Variants in DDX4 observed in about 807,000 individuals in gnomAD.
DDX4 encodes the protein DEAD-box helicase 4.
Under a neutral mutation model 100.0 loss-of-function variants are expected in DDX4, and 25 were observed. The ratio of observed to expected loss-of-function variants is 0.25; its 90% CI spans 0.18 to 0.35. DDX4 has a LOEUF of 0.35. Among genes scored for constraint, DDX4 ranks in the 10% least tolerant of loss-of-function variants. The pLI, the probability that DDX4 is intolerant of heterozygous loss-of-function variation, is 1.00. For missense variants in DDX4, 635 were observed against 882.4 expected (o/e 0.72, Z 3.55); for synonymous variants, 259 against 275.7 (o/e 0.94, Z 0.60).
At chr5:55,797,609 G>A (rs1743045768) in intron 17 of DDX4, among the ~76,000 whole-genome samples, 1 of 152,172 alleles carries the variant, frequency 6.6e-6, no homozygotes. Flanking sequence ...GGACTCAGCT[G>A]GTAAATAAGG....
chr5:55,774,219 A>G (rs143032085), intron 7 of DDX4, among the ~76,000 whole-genome samples: 279 of 150,782 alleles, frequency 1.9e-3, no homozygotes, highest in African/African-American at 4.8e-3. Flanking sequence ...TGGCACAGTC[A>G]TGGTTCATGA....
intron 3 of DDX4, among the ~76,000 whole-genome samples, chr5:55,754,625 T>C (rs1759812003): frequency 6.6e-6 from 1 of 151,896 alleles, no homozygotes; most frequent in South Asian, 2.1e-4. Flanking sequence ...GATATTGGTC[T>C]AAAATTATCT....
In DDX4 at chr5:55,746,197, A is replaced by G; in HGVS notation, c.103A>G (p.Asn35Asp). The G allele has an allele frequency of 1.9e-6, 3 of 1,612,462 alleles. No homozygotes were observed. Among genetic ancestry groups the G allele is most frequent in the Non-Finnish European group, 2.5e-6 (3 of 1,179,502 alleles). Residue 35 changes from asparagine to aspartate, a missense_variant, in exon 3 of 22, where the codon AAC becomes GAC. Transcript: ENST00000505374. The stretch of plus-strand genomic sequence containing the variant: ...TTCTGGAGAAAATGGAGACAATTTT[A>G]ACAGGACTCCAGCTTCATCATCAGG... ...RYSGENGDNF[N>D]RTPASSSEMD...
At chr5:55,809,497 T>C (rs945456763) in intron 18 of DDX4, among the ~76,000 whole-genome samples, 1 of 152,186 alleles carries the variant, frequency 6.6e-6, no homozygotes, top group Non-Finnish European at 1.5e-5. Context: ...GAAACCTGAT[T>C]TATGAAAATG....
chr5:55,754,705 A>G (rs1302444332), intron 3 of DDX4, among the ~76,000 whole-genome samples: 4 of 150,270 alleles, frequency 2.7e-5, no homozygotes, highest in Admixed American at 6.7e-5. Flanking sequence ...GTTAGGGAGG[A>G]TTCCCTCTTT....
At chr5:55,763,147 A>C in intron 4 of DDX4, 28 bp from the exon 5 acceptor site, 2 of 1,438,520 alleles carry the variant, frequency 1.4e-6, no homozygotes, top group Non-Finnish European at 2.0e-6. Flanking sequence ...TTATATGTTA[A>C]AGAGTTTAAC....
At chr5:55,771,770 A>G (rs796133440) in intron 7 of DDX4, among the ~76,000 whole-genome samples, 3 of 151,880 alleles carry the variant, frequency 2.0e-5, no homozygotes, top group East Asian at 1.9e-4. Context: ...TTAAATTTCT[A>G]TTTTTTTGGA....
At chr5:55,744,344 C>A (rs887366909) in intron 2 of DDX4, among the ~76,000 whole-genome samples, 2 of 152,128 alleles carry the variant, frequency 1.3e-5, no homozygotes, top group Non-Finnish European at 2.9e-5. Flanking sequence ...GATTTCCTTT[C>A]ATTCTTAAAT....
chr5:55,781,638 G>T (rs555916052), intron 9 of DDX4, among the ~76,000 whole-genome samples: 1 of 152,060 alleles, frequency 6.6e-6, no homozygotes, highest in Non-Finnish European at 1.5e-5. Context: ...TTAGCTGGGC[G>T]TGGTGGTATG....
intron 2 of DDX4, among the ~76,000 whole-genome samples, chr5:55,744,236 G>C (rs1192214298): frequency 6.6e-6 from 1 of 152,086 alleles, no homozygotes; most frequent in African/African-American, 2.4e-5. Context: ...GCCTACCTTG[G>C]TGCATTCTCT....
chr5:55,746,199 C>T lies in DDX4; in HGVS notation c.105C>T (p.Asn35=), dbSNP rs1430695986. The change falls in exon 3 of 22, where the codon AAC becomes AAT. Residue 35 remains asparagine (N), a synonymous_variant. Coordinates refer to ENST00000505374, the MANE Select transcript of DDX4 (RefSeq NM_024415.3). ...CTGGAGAAAATGGAGACAATTTTAACAGGACTCCAGCTTCATCATCAGGTA... is the reference window on the plus strand; with the variant it reads ...CTGGAGAAAATGGAGACAATTTTAATAGGACTCCAGCTTCATCATCAGGTA... ...RYSGENGDNF[N]RTPASSSEMD... 8.1e-6 allele frequency: 13 copies of T among 1,612,294 alleles called. No homozygotes were observed. The highest frequency in any genetic ancestry group is 1.1e-5 in the Non-Finnish European group (13 of 1,179,416).
chr5:55,744,236 G>A (rs1192214298), intron 2 of DDX4, among the ~76,000 whole-genome samples: 1 of 152,086 alleles, frequency 6.6e-6, no homozygotes, highest in Admixed American at 6.5e-5. Context: ...GCCTACCTTG[G>A]TGCATTCTCT....
chr5:55,782,647 G>T (rs941340973), intron 10 of DDX4, among the ~76,000 whole-genome samples: 1 of 151,966 alleles, frequency 6.6e-6, no homozygotes, highest in African/African-American at 2.4e-5. Flanking sequence ...TAATAATCAT[G>T]AAATGAGATG....
At chr5:55,744,020 TTA>T (rs1484122096) in intron 2 of DDX4, among the ~76,000 whole-genome samples, 61 of 152,244 alleles carry the variant, frequency 4.0e-4, no homozygotes, top group African/African-American at 1.4e-3. Flanking sequence ...TGTTCTTGTT[TTA>T]ATGTCTGTGG....
At position 55,769,393 on chromosome 5, in the gene DDX4, T is replaced by C. The variant is rs1013840049; in HGVS notation, c.394+1453T>C. Among the ~76,000 whole-genome samples the C allele has an allele frequency of 2.0e-5, 3 of 152,174 alleles. No homozygotes were observed. In the East Asian group the frequency reaches 5.8e-4, roughly 29 times the overall value. ...AAGGAATCCTTTCCTTATTGCTTGTTGTTGTCAACCCTGGCAAAAATCAGA... is the reference window on the plus strand; with the variant it reads ...AAGGAATCCTTTCCTTATTGCTTGTCGTTGTCAACCCTGGCAAAAATCAGA... On this transcript the variant is annotated intron_variant, in intron 7 of 21. Coordinates refer to ENST00000505374, the MANE Select transcript of DDX4 (RefSeq NM_024415.3).
chr5:55,780,383 C>T (rs1452625742), intron 8 of DDX4, among the ~76,000 whole-genome samples: 1 of 152,106 alleles, frequency 6.6e-6, no homozygotes, highest in African/African-American at 2.4e-5. Flanking sequence ...TGTGGCTTTA[C>T]CTCCCCACAT....
rs529158862 is a variant in DDX4, at chr5:55,759,467, A to G, written c.128-733A>G. 1.1e-3 allele frequency among the ~76,000 whole-genome samples: 167 copies of G among 151,424 alleles called. 1 individual carries two copies. Among genetic ancestry groups the G allele is most frequent in the African/African-American group, 3.6e-3 (147 of 41,256 alleles). ...GATTTGATTGCATTGTGATAAGAGA[A>G]TCTCATGTATATGAATTGATTATTG... On this transcript the variant is annotated intron_variant, in intron 3 of 21. Transcript: ENST00000505374.
chr5:55,787,663 A>G (rs1742326135), intron 14 of DDX4, among the ~76,000 whole-genome samples, 183 bp from the exon 15 acceptor site: 1 of 152,220 alleles, frequency 6.6e-6, no homozygotes, highest in Non-Finnish European at 1.5e-5. Flanking sequence ...ATATTGTATA[A>G]TAAGAGCATA....
At chr5:55,789,008 C>T (rs570552286) in intron 15 of DDX4, among the ~76,000 whole-genome samples, 126 of 152,218 alleles carry the variant, frequency 8.3e-4, no homozygotes, top group Admixed American at 3.8e-3. Flanking sequence ...CTGCAGTGAG[C>T]TGTGATTGCG....
Sources: gnomAD v4.1 joint callset for allele counts (sites outside exome capture counted in the v4.1 genomes callset) on GRCh38, gnomAD v4.1.1 for gene constraint, MANE v1.5 for transcripts, NCBI Gene and HGNC (gene_info 2026-07-23, HGNC 2026-07-21) for gene names.